ADGRE1: variants seen among roughly 807,000 people sequenced by gnomAD.
The protein encoded by ADGRE1 is adhesion G protein-coupled receptor E1, also known as EGF-like module receptor 1.
A neutral mutation model predicts 102.7 loss-of-function variants in ADGRE1; 82 were observed. The ratio of observed to expected loss-of-function variants is 0.80; its 90% CI spans 0.67 to 0.96. The LOEUF (loss-of-function observed/expected upper bound fraction) is 0.96, where lower values mean the gene tolerates loss of function less well. ADGRE1 is among the 40% of genes least tolerant of loss of function. The pLI is 0.00. For synonymous variants in ADGRE1, 398 were observed against 399.6 expected (o/e 1.00, Z 0.05); for missense variants, 1,032 against 1,085.3 (o/e 0.95, Z 0.69).
chr19:6,890,525 C>T lies in ADGRE1; in HGVS notation c.76C>T (p.Arg26Trp), dbSNP rs200733955. Reference sequence around the variant, plus strand: ...CTGGGAAGGGCACATAAGACCCACACGGAAACCAAACACAAAGGGTAAGTT... The same window carrying T: ...CTGGGAAGGGCACATAAGACCCACATGGAAACCAAACACAAAGGGTAAGTT... ...HSWEGHIRPTRKPNTKGNNCR... is the reference protein window; with the variant it reads ...HSWEGHIRPTWKPNTKGNNCR... The change falls in exon 2 of 21, where the codon CGG (arginine) becomes TGG (tryptophan). Residue 26 changes from arginine to tryptophan, a missense_variant. Physicochemically the swap from Arg to Trp is moderately radical, Grantham distance 101. Coordinates refer to ENST00000312053, the MANE Select transcript of ADGRE1 (RefSeq NM_001974.5). The T allele has an allele frequency of 3.4e-5, 55 of 1,610,006 alleles. No individual in the cohort carries two copies. The East Asian group carries it at 4.9e-4, about 14-fold the overall frequency.
chr19:6,915,463 A>G (rs1373798207), intron 11 of ADGRE1, among the ~76,000 whole-genome samples: 4 of 152,132 alleles, frequency 2.6e-5, no homozygotes, highest in African/African-American at 9.7e-5. Flanking sequence ...CATGATAGAG[A>G]TGAGAAATTG....
intron 17 of ADGRE1, among the ~76,000 whole-genome samples, chr19:6,933,192 G>T (rs976983760): frequency 1.3e-5 from 2 of 152,156 alleles, no homozygotes; most frequent in East Asian, 3.9e-4. Flanking sequence ...TTGCACTCCA[G>T]CCTGGGAGAC....
At chr19:6,935,100 C>G in intron 18 of ADGRE1, 22 bp downstream of exon 18, 4 of 1,475,014 alleles carry the variant, frequency 2.7e-6, no homozygotes, top group Non-Finnish European at 3.6e-6. Context: ...TTTCACCTCC[C>G]CCCCTCTTTT....
intron 14 of ADGRE1, among the ~76,000 whole-genome samples, chr19:6,922,803 C>A (rs1974726388): frequency 6.6e-6 from 1 of 151,804 alleles, no homozygotes; most frequent in African/African-American, 2.4e-5. Flanking sequence ...TTTCACCTGG[C>A]TCGGTGGCTC....
chr19:6,904,211 T>A (rs774300674), intron 8 of ADGRE1, 29 bp downstream of exon 8: 50 of 1,608,342 alleles, frequency 3.1e-5, no homozygotes, highest in Non-Finnish European at 4.2e-5. Context: ...GTCTTGGCAA[T>A]GGAATCTGTT....
At chr19:6,917,663 C>T (rs1322510358) in intron 12 of ADGRE1, among the ~76,000 whole-genome samples, 1 of 149,000 alleles carries the variant, frequency 6.7e-6, no homozygotes, top group Non-Finnish European at 1.5e-5. Flanking sequence ...TTGCTTGAAC[C>T]TGGGAGGTGG....
chr19:6,912,653 T>C (rs1974246993), intron 10 of ADGRE1, among the ~76,000 whole-genome samples: 1 of 152,226 alleles, frequency 6.6e-6, no homozygotes, highest in Admixed American at 6.5e-5. Flanking sequence ...CTTTTGCTTG[T>C]TAATGCCTAT....
At chr19:6,933,217 G>A (rs554500132) in intron 17 of ADGRE1, among the ~76,000 whole-genome samples, 3 of 152,102 alleles carry the variant, frequency 2.0e-5, no homozygotes, top group East Asian at 1.9e-4. Context: ...GCGAGACTCC[G>A]TCTCAATAAT....
rs1003373645 is a variant in ADGRE1, at chr19:6,907,985, G to T, written c.1039-704G>T. Among the ~76,000 whole-genome samples, 6 of 152,282 alleles carry T rather than the reference G, an allele frequency of 3.9e-5. 1 individual carries two copies. Among genetic ancestry groups the T allele is most frequent in the Admixed American group, 6.5e-5 (1 of 15,304 alleles). ...CTGGCCATAAACTGGCCCCAAAACT[G>T]GCCATAAACAAAATCTCTGCAGCAC... On this transcript the variant is annotated intron_variant, in intron 9 of 20. Coordinates refer to ENST00000312053, the MANE Select transcript of ADGRE1 (RefSeq NM_001974.5).
At chr19:6,922,955 C>T (rs528432662) in intron 14 of ADGRE1, among the ~76,000 whole-genome samples, 196 of 151,470 alleles carry the variant, frequency 1.3e-3, no homozygotes, top group Non-Finnish European at 2.3e-3. Context: ...CGGGCACCTG[C>T]AGTCCAAGCT....
At chr19:6,929,679 C>T (rs1462725507) in intron 17 of ADGRE1, among the ~76,000 whole-genome samples, 2 of 152,044 alleles carry the variant, frequency 1.3e-5, no homozygotes, top group African/African-American at 2.4e-5. Context: ...CGCACCACCA[C>T]ACCCGGCAAT....
At chr19:6,925,414 C>T (rs139829989) in intron 15 of ADGRE1, among the ~76,000 whole-genome samples, 75 of 152,304 alleles carry the variant, frequency 4.9e-4, no homozygotes, top group South Asian at 4.1e-3. Flanking sequence ...TCAGCCATCA[C>T]GCACGGCCCC....
chr19:6,896,621 C>T, intron 3 of ADGRE1, 80 bp downstream of exon 3: 2 of 1,481,324 alleles, frequency 1.4e-6, no homozygotes, highest in Non-Finnish European at 1.8e-6. Flanking sequence ...AATGTAGGTA[C>T]TCCCCCACCC....
At chr19:6,899,402 G>C (rs1240839412) in intron 5 of ADGRE1, among the ~76,000 whole-genome samples, 10 of 152,158 alleles carry the variant, frequency 6.6e-5, no homozygotes, top group Admixed American at 6.5e-4. Context: ...TTCTGGGCTG[G>C]GCGCGGTGGC....
intron 11 of ADGRE1, among the ~76,000 whole-genome samples, chr19:6,914,850 G>T (rs1022323148): frequency 6.6e-6 from 1 of 152,244 alleles, no homozygotes; most frequent in African/African-American, 2.4e-5. Context: ...TGTCAGGGAA[G>T]AGAGCCACGT....
At chr19:6,929,122 T>C (rs1372094952) in intron 17 of ADGRE1, among the ~76,000 whole-genome samples, 1 of 152,138 alleles carries the variant, frequency 6.6e-6, no homozygotes, top group Non-Finnish European at 1.5e-5. Flanking sequence ...AGTGTCATTG[T>C]CTGGGGGTAA....
In ADGRE1 at chr19:6,919,528, T is replaced by A. The variant is rs773135502; in HGVS notation, c.1421-20T>A. ...TGAGCAAACGATTCCTTCCTTTTTT[T>A]CATTTGGGGAAACCTGCAGAGACCA... On this transcript the variant is annotated intron_variant, in intron 12 of 20. Transcript: ENST00000312053. 1.2e-5 allele frequency: 19 copies of A among 1,601,958 alleles called. No homozygotes were observed. The South Asian group carries it at 2.0e-4, about 17-fold the overall frequency.
At chr19:6,931,835 A>G (rs1430054923) in intron 17 of ADGRE1, among the ~76,000 whole-genome samples, 1 of 151,994 alleles carries the variant, frequency 6.6e-6, no homozygotes, top group African/African-American at 2.4e-5. Context: ...GTCATATTTC[A>G]GTCAGATTAG....
intron 14 of ADGRE1, 74 bp from the exon 15 acceptor site, chr19:6,924,604 T>A (rs1286829656): frequency 1.4e-6 from 2 of 1,425,702 alleles, no homozygotes; most frequent in Non-Finnish European, 1.9e-6. Flanking sequence ...GCCAGGGTTT[T>A]AGATAACTCT....
Sources: gnomAD v4.1 joint callset for allele counts (sites outside exome capture counted in the v4.1 genomes callset) on GRCh38, gnomAD v4.1.1 for gene constraint, MANE v1.5 for transcripts, NCBI Gene and HGNC (gene_info 2026-07-23, HGNC 2026-07-21) for gene names.